Variants in CFAP44 observed in about 807,000 individuals in gnomAD.
CFAP44 encodes cilia and flagella associated protein 44.
A neutral mutation model predicts 216.2 loss-of-function variants in CFAP44; 134 were observed. The observed-to-expected ratio is 0.62, with a 90% CI of 0.54 to 0.72. The LOEUF (loss-of-function observed/expected upper bound fraction) is 0.72. Ranked by LOEUF, CFAP44 falls within the 30% of genes least tolerant of loss-of-function variation. The pLI is 0.00. For missense variants in CFAP44, 2,035 were observed against 2,182.1 expected (o/e 0.93, Z 1.34); for synonymous variants, 700 against 727.6 (o/e 0.96, Z 0.61).
intron 22 of CFAP44, among the ~76,000 whole-genome samples, chr3:113,357,772 T>C (rs1220383775): frequency 1.3e-5 from 2 of 152,152 alleles, no homozygotes; most frequent in African/African-American, 2.4e-5. Context: ...CAAACCGTTT[T>C]GAAAAACTGA....
chr3:113,341,400 C>T (rs1055095010), intron 24 of CFAP44, among the ~76,000 whole-genome samples: 2 of 151,828 alleles, frequency 1.3e-5, no homozygotes, highest in African/African-American at 4.8e-5. Context: ...GATAAAGGTA[C>T]GAGCCAAAAC....
At chr3:113,420,226 T>C (rs1272593756) in intron 4 of CFAP44, 47 bp from the exon 5 acceptor site, 11 of 1,524,754 alleles carry the variant, frequency 7.2e-6, no homozygotes, top group East Asian at 4.7e-5. Context: ...ACTACCATCC[T>C]AGGGATTGGA....
chr3:113,420,233 T>C, intron 4 of CFAP44, 54 bp from the exon 5 acceptor site: 1 of 1,490,600 alleles, frequency 6.7e-7, no homozygotes, highest in Non-Finnish European at 9.0e-7. Context: ...TCCTAGGGAT[T>C]GGAAAAGTGA....
intron 17 of CFAP44, 108 bp from the exon 18 acceptor site, chr3:113,373,664 C>A: frequency 6.8e-6 from 6 of 883,976 alleles, no homozygotes; most frequent in Non-Finnish European, 9.4e-6. Flanking sequence ...TAGATGTTTT[C>A]AAACATCTAC....
chr3:113,330,794 A>C (rs1329207047), intron 25 of CFAP44, 126 bp from the exon 26 acceptor site: 1 of 1,282,094 alleles, frequency 7.8e-7, no homozygotes, highest in Non-Finnish European at 1.0e-6. Flanking sequence ...TCATCTGATC[A>C]TACCTTTTTA....
At chr3:113,328,752 CTT>C (rs1269211117) in intron 26 of CFAP44, among the ~76,000 whole-genome samples, 1 of 95,580 alleles carries the variant, frequency 1.0e-5, no homozygotes, top group Non-Finnish European at 2.3e-5. Flanking sequence ...AAAAATTAAA[CTT>C]TTAAGTAACC....
intron 28 of CFAP44, among the ~76,000 whole-genome samples, chr3:113,308,551 T>C (rs1444587616): frequency 6.6e-6 from 1 of 152,154 alleles, no homozygotes; most frequent in Non-Finnish European, 1.5e-5. Context: ...TCCTAACTCA[T>C]AAGATGCTCT....
chr3:113,395,704 T>C (rs1933971389), intron 15 of CFAP44, 46 bp downstream of exon 15: 4 of 1,489,452 alleles, frequency 2.7e-6, no homozygotes, highest in South Asian at 1.2e-5. Flanking sequence ...AGTTTCACTA[T>C]GTAGTAATTG....
chr3:113,416,188 G>GT (rs60048350), intron 6 of CFAP44, among the ~76,000 whole-genome samples: 35,874 of 150,514 alleles, frequency 0.24, 5,554 homozygotes, highest in African/African-American at 0.44. Context: ...GTGTTTTTTT[G>GT]TTTTTTTTTC....
At position 113,305,100 on chromosome 3, in the gene CFAP44, T is replaced by C. The variant is rs937530340; in HGVS notation, c.4811A>G (p.Tyr1604Cys). ...LNAAEEALEA[Y>C]QREKQQRLNE... ...CAGCCGCTGCTGCTTCTCTCGCTGA[T>C]AAGCCTCCAGGGCCTCCTCTGCTGC... The change falls in exon 31 of 35, where the codon TAT becomes TGT. Residue 1604 changes from tyrosine (Y) to cysteine (C), a missense_variant. This residue lies in a region of CFAP44 where 1,883 missense variants were observed against 2,023.7 expected (regional missense o/e 0.93). Transcript: ENST00000393845. The C allele has an allele frequency of 7.0e-5, 107 of 1,537,178 alleles. No homozygotes were observed. Among genetic ancestry groups the C allele is most frequent in the Non-Finnish European group, 9.2e-5 (105 of 1,146,934 alleles).
intron 28 of CFAP44, among the ~76,000 whole-genome samples, chr3:113,311,126 A>C (rs2107796959): frequency 6.6e-6 from 1 of 152,398 alleles, no homozygotes; most frequent in Middle Eastern, 3.4e-3. Flanking sequence ...TAAAGTATTT[A>C]AAACAGCCAT....
chr3:113,335,728 A>G (rs956135978), intron 24 of CFAP44, among the ~76,000 whole-genome samples: 5 of 152,210 alleles, frequency 3.3e-5, no homozygotes, highest in African/African-American at 1.2e-4. Context: ...AACATTATCA[A>G]TCCTCTTGTC....
At chr3:113,429,305 C>G (rs1035557816) in intron 2 of CFAP44, among the ~76,000 whole-genome samples, 3 of 152,046 alleles carry the variant, frequency 2.0e-5, no homozygotes, top group Non-Finnish European at 4.4e-5. Flanking sequence ...TAGGTGAATA[C>G]ACATTTATGA....
chr3:113,424,305 G>A (rs1320739880), intron 4 of CFAP44, among the ~76,000 whole-genome samples: 1 of 152,096 alleles, frequency 6.6e-6, no homozygotes, highest in African/African-American at 2.4e-5. Context: ...ATGTGGTGGT[G>A]CATGCCTATA....
At chr3:113,412,341 G>C (rs373531690) in intron 6 of CFAP44, among the ~76,000 whole-genome samples, 2 of 151,862 alleles carry the variant, frequency 1.3e-5, no homozygotes, top group Admixed American at 6.6e-5. Context: ...CAAGGTCTAA[G>C]AACCCTCTCT....
chr3:113,428,087 G>C (rs539944958), intron 2 of CFAP44, among the ~76,000 whole-genome samples: 2 of 152,196 alleles, frequency 1.3e-5, no homozygotes, highest in Non-Finnish European at 2.9e-5. Context: ...CTTAGGATGC[G>C]TGTATTTGGA....
In CFAP44 at chr3:113,363,548, TA is replaced by T; in HGVS notation, c.2716-17del. On this transcript the variant is annotated splice_polypyrimidine_tract_variant and intron_variant, in intron 19 of 34. Transcript: ENST00000393845. ...CAATTCCAAACTATAGGAAGGGAAG[TA>T]AAAGGTTAGCCCTTTAAAATTGCAT... 6.2e-7 allele frequency: 1 copy of T among 1,600,988 alleles called. No individual in the cohort carries two copies. Among genetic ancestry groups the T allele is most frequent in the Non-Finnish European group, 8.5e-7 (1 of 1,173,432 alleles).
chr3:113,436,687 T>A (rs1461722676), intron 1 of CFAP44, among the ~76,000 whole-genome samples: 1 of 152,156 alleles, frequency 6.6e-6, no homozygotes. Flanking sequence ...AAGACGCAGG[T>A]CCCAAATAAG....
rs781471527 is a variant in CFAP44, at chr3:113,404,203, G to A, written c.1006-187C>T. ...CAGACACAACTACCAATAACATTTT[G>A]ATGTATTTCCTTCCAGCAATATGAT... On this transcript the variant is annotated intron_variant, in intron 8 of 34. Coordinates refer to ENST00000393845, the MANE Select transcript of CFAP44 (RefSeq NM_001164496.2). The A allele has an allele frequency of 1.1e-5, 7 of 644,892 alleles. No homozygotes were observed. The East Asian group carries it at 2.1e-4, about 19-fold the overall frequency. 39.9% of individuals were successfully genotyped at this position (644,892 alleles called of 1,614,324 possible).
Sources: allele counts gnomAD v4.1 joint callset (sites outside exome capture counted in the v4.1 genomes callset), GRCh38; gene constraint gnomAD v4.1.1; regional missense constraint gnomAD v4.1.1; transcripts MANE v1.5; gene names NCBI Gene and HGNC (gene_info 2026-07-23, HGNC 2026-07-21).